The following NUTM1 variants were observed in gnomAD, a reference collection of about 807,000 sequenced individuals.
NUTM1 encodes the protein NUT family member 1.
NUTM1 carries 39 observed loss-of-function variants against 88.7 expected under a neutral mutation model. That is an observed-to-expected ratio of 0.44 (90% confidence interval 0.34 to 0.57). NUTM1 has a LOEUF of 0.57. Ranked by LOEUF, NUTM1 falls within the 20% of genes least tolerant of loss-of-function variation. NUTM1 has a pLI of 0.01. For synonymous variants in NUTM1, 494 were observed against 538.0 expected (o/e 0.92, Z 1.13); for missense variants, 1,350 against 1,414.5 (o/e 0.95, Z 0.73).
intron 1 of NUTM1, among the ~76,000 whole-genome samples, chr15:34,345,004 C>T (rs438525): frequency 0.06 from 9,053 of 150,462 alleles, 938 homozygotes; most frequent in African/African-American, 0.21. Flanking sequence ...GGTGACAGAG[C>T]GAGACTCTGT....
rs1454940887 is a variant in NUTM1, at chr15:34,357,630, T to G, written c.*139T>G. 1 of 1,520,642 alleles carries G rather than the reference T, an allele frequency of 6.6e-7. No individual in the cohort carries two copies. The highest frequency in any genetic ancestry group is 1.7e-5 in the Admixed American group (1 of 59,888). 94.2% of individuals were successfully genotyped at this position (1,520,642 alleles called of 1,614,324 possible). A position where few individuals can be genotyped will look rare whatever the true frequency, so the allele number is the denominator to read the frequency against. On this transcript the variant is annotated 3_prime_UTR_variant, in exon 8 of 8. Coordinates refer to ENST00000537011, the MANE Select transcript of NUTM1 (RefSeq NM_001284292.2). Reference sequence around the variant, plus strand: ...ATGTTGTTTTGTTGTTCTGCAAAAGTGGCAAGCATGGAGAGAGAGGTCAGA... The same window carrying G: ...ATGTTGTTTTGTTGTTCTGCAAAAGGGGCAAGCATGGAGAGAGAGGTCAGA...
At position 34,357,059 on chromosome 15, in the gene NUTM1, T is replaced by G. The variant is rs1890830786; in HGVS notation, c.3051T>G (p.Ser1017=). The change falls in exon 8 of 8, where the codon TCT becomes TCG. Residue 1017 remains serine, a synonymous_variant. Transcript: ENST00000537011. ...TRNAIVPRET[S]VSKTHRSADR... ...ATGCCATAGTTCCGAGAGAAACTTC[T>G]GTTAGTAAAACACACAGGTCAGCAG... The G allele has an allele frequency of 1.9e-6, 3 of 1,614,090 alleles. No individual in the cohort carries two copies. In the East Asian group the frequency reaches 6.7e-5, roughly 36 times the overall value.
chr15:34,344,659 A>T (rs914686853), intron 1 of NUTM1, among the ~76,000 whole-genome samples: 9 of 152,128 alleles, frequency 5.9e-5, no homozygotes. Flanking sequence ...AGGCAGACTT[A>T]TTGCTATGTA....
At chr15:34,354,421 TTC>T (rs1322341932) in intron 5 of NUTM1, 23 bp from the exon 6 acceptor site, 1 of 1,611,424 alleles carries the variant, frequency 6.2e-7, no homozygotes, top group Non-Finnish European at 8.5e-7. Context: ...CTACTTCCCA[TTC>T]TCCTGTCCAT....
At position 34,348,317 on chromosome 15, in the gene NUTM1, C is replaced by T. The variant is rs370488235; in HGVS notation, c.449C>T (p.Pro150Leu). 8 of 1,614,248 alleles carry T rather than the reference C, an allele frequency of 5.0e-6. No homozygotes were observed. The African/African-American group carries it at 1.1e-4, about 22-fold the overall frequency. ...TALNSTAPGT[P>L]CGGLEGPAPP... ...CTCAATTCGACTGCCCCGGGCACTC[C>T]CTGTGGAGGCCTTGAGGGTCCTGCA... Residue 150 changes from proline to leucine, a missense_variant, in exon 3 of 8, where the codon CCC (proline) becomes CTC (leucine). Physicochemically the swap from Pro to Leu is moderately conservative, Grantham distance 98. Transcript: ENST00000537011.
chr15:34,353,290 G>A (rs1890742047), intron 4 of NUTM1, among the ~76,000 whole-genome samples: 3 of 152,120 alleles, frequency 2.0e-5, no homozygotes, highest in Admixed American at 2.0e-4. Context: ...CACCTCTTGA[G>A]CTCAAGCGAT....
At chr15:34,343,926 T>A (rs1204660162) in intron 1 of NUTM1, among the ~76,000 whole-genome samples, 1 of 152,114 alleles carries the variant, frequency 6.6e-6, no homozygotes, top group Non-Finnish European at 1.5e-5. Context: ...TTTTTTTTTT[T>A]TTTAAGAATA....
chr15:34,352,755 G>A (rs1042029621), intron 4 of NUTM1, among the ~76,000 whole-genome samples: 1 of 151,016 alleles, frequency 6.6e-6, no homozygotes, highest in Non-Finnish European at 1.5e-5. Flanking sequence ...GCAGTGAGCC[G>A]AGATTGGGCC....
chr15:34,347,709 C>T (rs955513459), intron 2 of NUTM1, among the ~76,000 whole-genome samples: 24 of 151,994 alleles, frequency 1.6e-4, no homozygotes, highest in Middle Eastern at 3.4e-3. Context: ...AAAAGTTAGC[C>T]GGGCGTGGTG....
intron 2 of NUTM1, among the ~76,000 whole-genome samples, chr15:34,346,881 TAA>T (rs10671676): frequency 1.5e-4 from 5 of 34,322 alleles, no homozygotes; most frequent in African/African-American, 5.9e-4. Context: ...AGACTCCATC[TAA>T]AAAAAAAAAA....
intron 3 of NUTM1, 84 bp from the exon 4 acceptor site, chr15:34,350,620 A>C: frequency 9.3e-6 from 14 of 1,504,980 alleles, no homozygotes; most frequent in South Asian, 1.3e-5. Flanking sequence ...GATGAGGGGC[A>C]GGGGATGTGT....
chr15:34,350,747 CT>C lies in NUTM1; in HGVS notation c.854del (p.Leu285ArgfsTer21), dbSNP rs1342956964. 6.2e-7 allele frequency: 1 copy of C among 1,613,726 alleles called. No homozygotes were observed. Among genetic ancestry groups the C allele is most frequent in the Non-Finnish European group, 8.5e-7 (1 of 1,179,992 alleles). On this transcript the variant is annotated frameshift_variant, in exon 4 of 8. Transcript: ENST00000537011. LOFTEE classifies it high-confidence loss of function. ...SLARLKPTMT[L>X]EEGLPLAVQE... ...GGCCCGGCTGAAGCCCACTATGACC[CT>C]GGAGGAGGGACTGCCATTGGCTGTG... is the stretch of plus-strand genomic sequence containing the variant.
intron 1 of NUTM1, among the ~76,000 whole-genome samples, chr15:34,345,423 G>A (rs1890567782): frequency 6.6e-6 from 1 of 152,198 alleles, no homozygotes; most frequent in Non-Finnish European, 1.5e-5. Context: ...AGGAAATGAT[G>A]TGCACACAGC....
At chr15:34,346,213 T>C (rs1030286928) in intron 2 of NUTM1, among the ~76,000 whole-genome samples, 178 bp downstream of exon 2, 9 of 152,130 alleles carry the variant, frequency 5.9e-5, no homozygotes, top group African/African-American at 1.4e-4. Context: ...GAAGAGGACT[T>C]CCTTAAGGAC....
In NUTM1 at chr15:34,345,805, A is replaced by G. The variant is rs988550990; in HGVS notation, c.7-137A>G. ...CATACTTACTAGAACCCTTCATGGA[A>G]TATCTGTCCCCACCCTCACCCCACT... On this transcript the variant is annotated intron_variant, in intron 1 of 7. Transcript: ENST00000537011. 7 of 1,201,772 alleles carry G rather than the reference A, an allele frequency of 5.8e-6. No homozygotes were observed. In the African/African-American group the frequency reaches 7.7e-5, roughly 13 times the overall value. The allele number at this position is 1,201,772 out of a possible 1,614,324, so 74.4% of individuals were successfully genotyped here.
chr15:34,346,974 G>T (rs951637159), intron 2 of NUTM1, among the ~76,000 whole-genome samples: 17 of 147,884 alleles, frequency 1.1e-4, no homozygotes, highest in African/African-American at 4.2e-4. Flanking sequence ...TGTGTGTCTT[G>T]TTGAAAAAGA....
intron 3 of NUTM1, 77 bp from the exon 4 acceptor site, chr15:34,350,627 G>A: frequency 6.5e-7 from 1 of 1,531,772 alleles, no homozygotes; most frequent in South Asian, 1.2e-5. Flanking sequence ...GGCAGGGGAT[G>A]TGTTATTGAT....
At position 34,357,414 on chromosome 15, in the gene NUTM1, C is replaced by T. The variant is rs61737328; in HGVS notation, c.3406C>T (p.Arg1136Ter). The change falls in exon 8 of 8, where the codon CGA becomes TGA. Residue 1136 changes from arginine (R) to a stop codon, truncating the protein, a stop_gained. Coordinates refer to ENST00000537011, the MANE Select transcript of NUTM1 (RefSeq NM_001284292.2). LOFTEE classifies it high-confidence loss of function. ...REKPLALGVV[R>*]PSQPRKRRCD... ...GAAACCCCTAGCTCTGGGAGTAGTT[C>T]GACCCTCACAGCCTCGTAAAAGGCG... The T allele has an allele frequency of 2.5e-6, 4 of 1,614,070 alleles. No individual in the cohort carries two copies. The highest frequency in any genetic ancestry group is 1.1e-5 in the South Asian group (1 of 91,070).
At chr15:34,354,899 A>T in intron 6 of NUTM1, 122 bp from the exon 7 acceptor site, 1 of 999,900 alleles carries the variant, frequency 1.0e-6, no homozygotes, top group Non-Finnish European at 1.6e-6. Flanking sequence ...GGTGGTGGTC[A>T]GTTTACAATA....
Sources: gnomAD v4.1 joint callset for allele counts (sites outside exome capture counted in the v4.1 genomes callset) on GRCh38, gnomAD v4.1.1 for gene constraint, MANE v1.5 for transcripts, NCBI Gene and HGNC (gene_info 2026-07-23, HGNC 2026-07-21) for gene names.